The following PRKCSH variants were observed in gnomAD, a reference collection of about 807,000 sequenced individuals.
PRKCSH encodes glucosidase 2 subunit beta.
Under a neutral mutation model 79.7 loss-of-function variants are expected in PRKCSH, and 42 were observed. That is an observed-to-expected ratio of 0.53 (90% CI 0.41 to 0.68). The LOEUF (loss-of-function observed/expected upper bound fraction) is 0.68. PRKCSH is among the 30% of genes least tolerant of loss of function. The pLI, the probability that PRKCSH is intolerant of heterozygous loss-of-function variation, is 0.00. For missense variants in PRKCSH, 686 were observed against 709.0 expected, an observed-to-expected ratio of 0.97 and a Z score of 0.37; for synonymous variants, 325 against 288.2, an observed-to-expected ratio of 1.13 and a Z score of -1.29.
rs772517999 is a variant in PRKCSH at position 11,447,407 on chromosome 19, C to T, written c.850-32C>T. 6.2e-7 allele frequency: 1 copy of T among 1,608,390 alleles called. No homozygotes were observed. Among genetic ancestry groups the T allele is most frequent in the East Asian group, 2.2e-5 (1 of 44,852 alleles). On this transcript the variant is annotated intron_variant, in intron 10 of 17. Transcript: ENST00000677123. The surrounding 1 kb of genome is among the most constrained non-coding windows in gnomAD (Gnocchi z 5.6). ...CTGAGGGTGTGGGTGGACCCTGAGT[C>T]CACAACACCGACCGCACTGCTCACC...
chr19:11,442,460 G>A lies in PRKCSH; in HGVS notation c.543G>A (p.Glu181=). 1 of 1,612,402 alleles carries A rather than the reference G, an allele frequency of 6.2e-7. No homozygotes were observed. The highest frequency in any genetic ancestry group is 1.1e-5 in the South Asian group (1 of 90,874). The change falls in exon 7 of 18, where the codon GAG becomes GAA. Residue 181 remains glutamate (E), a synonymous_variant. Coordinates refer to ENST00000677123, the MANE Select transcript of PRKCSH (RefSeq NM_001289104.2). ...TGGAGATGCTGCGGACAGTGAAGGA[G>A]GAAGCTGAGAAGCCAGAGAGAGAGG... is the stretch of plus-strand genomic sequence containing the variant. ...DQVEMLRTVK[E]EAEKPEREAK...
rs763059069 is a variant in PRKCSH, at chr19:11,447,573, AGAGGAG to A, written c.996_1001del (p.Glu332_Glu333del). The stretch of plus-strand genomic sequence containing the variant: ...AGGAGGAGGAAGAAGAGGCTGAAGA[AGAGGAG>A]GAGGAGGAGGATTCCGAGGTGCAGG... On this transcript the variant is annotated inframe_deletion, in exon 11 of 18. Transcript: ENST00000677123. This position sits in a 1 kb window ranked among gnomAD's most constrained non-coding sequence, Gnocchi z 5.6. 4.0e-5 allele frequency: 63 copies of A among 1,570,622 alleles called. No homozygotes were observed. The African/African-American group carries it at 4.6e-4, about 12-fold the overall frequency.
Position 11,449,010 on chromosome 19 carries a change from C to A in PRKCSH, c.1361+22C>A. 2 of 1,613,280 alleles carry A rather than the reference C, an allele frequency of 1.2e-6. No homozygotes were observed. The highest frequency in any genetic ancestry group is 1.7e-6 in the Non-Finnish European group (2 of 1,179,986). On this transcript the variant is annotated intron_variant, in intron 15 of 17. Transcript: ENST00000677123. This position sits in a 1 kb window ranked among gnomAD's most constrained non-coding sequence, Gnocchi z 6.4. The stretch of plus-strand genomic sequence containing the variant: ...TTGGGTGAGTGGCTTGGGCTGGCCC[C>A]TTCCCTCTGCCTCCTCCTGGTGCCC...
intron 5 of PRKCSH, among the ~76,000 whole-genome samples, chr19:11,440,695 C>T (rs1249821874): frequency 4.0e-5 from 6 of 150,660 alleles, no homozygotes; most frequent in South Asian, 4.2e-4. Flanking sequence ...TCAGGTGATC[C>T]GCCCGCCTTG....
At chr19:11,439,623 T>C (rs1969959162) in intron 5 of PRKCSH, among the ~76,000 whole-genome samples, 1 of 134,716 alleles carries the variant, frequency 7.4e-6, no homozygotes, top group Non-Finnish European at 1.6e-5. Flanking sequence ...TTTTTTTTTT[T>C]TTTTTTTTTG....
intron 7 of PRKCSH, among the ~76,000 whole-genome samples, chr19:11,444,700 G>A (rs1970214757): frequency 6.6e-6 from 1 of 152,128 alleles, no homozygotes; most frequent in South Asian, 2.1e-4. Context: ...GACAAAGGAG[G>A]GACTTTTGGG....
intron 3 of PRKCSH, among the ~76,000 whole-genome samples, chr19:11,437,105 G>A (rs1283513184): frequency 2.0e-5 from 3 of 151,958 alleles, no homozygotes; most frequent in Non-Finnish European, 2.9e-5. Flanking sequence ...GCGCCATCTC[G>A]GCTCACTGCA....
At chr19:11,444,553 G>A (rs1267374577) in intron 7 of PRKCSH, among the ~76,000 whole-genome samples, 1 of 152,168 alleles carries the variant, frequency 6.6e-6, no homozygotes, top group African/African-American at 2.4e-5. Flanking sequence ...AATACCAGCT[G>A]TTTTTATTCT....
intron 5 of PRKCSH, among the ~76,000 whole-genome samples, chr19:11,440,409 C>G (rs1970007797): frequency 6.6e-6 from 1 of 151,816 alleles, no homozygotes; most frequent in South Asian, 2.1e-4. Flanking sequence ...GCCTCGGTCT[C>G]CCAAAGTGCT....
At chr19:11,442,611 C>A in intron 7 of PRKCSH, 96 bp downstream of exon 7, 1 of 1,537,538 alleles carries the variant, frequency 6.5e-7, no homozygotes, top group Non-Finnish European at 8.8e-7. Context: ...TCAGTTTCAG[C>A]AGGTTTTTGA....
chr19:11,440,959 C>T lies in PRKCSH; in HGVS notation c.351-281C>T, dbSNP rs954577770. Reference sequence around the variant, plus strand: ...GGATTACAGGCATGAACCACTGCACCCAGCTGATCTCCTGTCTCTTGAGAG... The same window carrying T: ...GGATTACAGGCATGAACCACTGCACTCAGCTGATCTCCTGTCTCTTGAGAG... On this transcript the variant is annotated intron_variant, in intron 5 of 17. Transcript: ENST00000677123. 13 of 417,180 alleles carry T rather than the reference C, an allele frequency of 3.1e-5. No homozygotes were observed. In the Admixed American group the frequency reaches 4.5e-4, roughly 15 times the overall value. 25.8% of individuals were successfully genotyped at this position (417,180 alleles called of 1,614,324 possible).
intron 3 of PRKCSH, 49 bp from the exon 4 acceptor site, chr19:11,437,827 T>G: frequency 2.0e-6 from 3 of 1,479,054 alleles, no homozygotes; most frequent in Non-Finnish European, 2.8e-6. Flanking sequence ...ATGGGACATG[T>G]CTGTCCCTGA....
chr19:11,436,004 C>T, intron 1 of PRKCSH, 37 bp from the exon 2 acceptor site: 7 of 1,408,116 alleles, frequency 5.0e-6, no homozygotes, highest in South Asian at 2.3e-5. Context: ...TGGAAGTAGC[C>T]CTCTCCCACT....
chr19:11,445,260 T>C lies in PRKCSH; in HGVS notation c.599-129T>C, dbSNP rs534289729. 1.2e-4 allele frequency: 94 copies of C among 803,008 alleles called. No individual in the cohort carries two copies. In the African/African-American group the frequency reaches 1.5e-3, roughly 13 times the overall value. The allele number at this position is 803,008 out of a possible 1,614,324, so 49.7% of individuals were successfully genotyped here. On this transcript the variant is annotated intron_variant, in intron 7 of 17. Transcript: ENST00000677123. ...GCAGGGACCTTTGTCTCCTCCACAG[T>C]CGTGTCCTCAGGGTCCAGCATGGGG...
At chr19:11,439,685 A>T (rs1002931842) in intron 5 of PRKCSH, among the ~76,000 whole-genome samples, 1 of 131,846 alleles carries the variant, frequency 7.6e-6, no homozygotes, top group Non-Finnish European at 1.5e-5. Context: ...CAGTGGCGCG[A>T]TCTCGGCTCA....
At chr19:11,441,101 C>G in intron 5 of PRKCSH, 139 bp from the exon 6 acceptor site, 2 of 848,244 alleles carry the variant, frequency 2.4e-6, no homozygotes, top group Non-Finnish European at 4.1e-6. Flanking sequence ...GTTGAGAGAA[C>G]CTGGGAGGAA....
intron 5 of PRKCSH, among the ~76,000 whole-genome samples, chr19:11,440,517 G>GCTTA (rs926026581): frequency 2.0e-5 from 3 of 151,262 alleles, no homozygotes; most frequent in Non-Finnish European, 4.4e-5. Context: ...CATGATCTTT[G>GCTTA]CTTACCCCAA....
chr19:11,436,554 A>G (rs1437480787), intron 3 of PRKCSH, 49 bp downstream of exon 3: 1 of 1,417,824 alleles, frequency 7.1e-7, no homozygotes, highest in Admixed American at 1.9e-5. Context: ...AACACTGCTC[A>G]GTGCCAGGCC....
Position 11,446,352 on chromosome 19 carries a change from T to C in PRKCSH, c.762+2T>C, listed in dbSNP as rs112915100. The C allele has an allele frequency of 1.2e-4, 193 of 1,612,244 alleles. No individual in the cohort carries two copies. The highest frequency in any genetic ancestry group is 1.6e-4 in the Non-Finnish European group (187 of 1,179,162). On this transcript the variant is annotated splice_donor_variant, in intron 9 of 17. Transcript: ENST00000677123. LOFTEE classifies it high-confidence loss of function. ...GCGTTGTCAGAAGCGGAAGCTCAGGTACCCCCGGCTGCCCCTTGGTTGGGG... is the reference window on the plus strand; with the variant it reads ...GCGTTGTCAGAAGCGGAAGCTCAGGCACCCCCGGCTGCCCCTTGGTTGGGG...
Sources: allele counts gnomAD v4.1 joint callset (sites outside exome capture counted in the v4.1 genomes callset), GRCh38; gene constraint gnomAD v4.1.1; non-coding constraint Gnocchi (gnomAD v3.1); transcripts MANE v1.5; gene names NCBI Gene and HGNC (gene_info 2026-07-23, HGNC 2026-07-21).